PTPRQ: variants seen among roughly 807,000 people sequenced by gnomAD.
PTPRQ encodes the protein phosphatidylinositol phosphatase PTPRQ.
Under a neutral mutation model 246.0 loss-of-function variants are expected in PTPRQ, and 199 were observed. That is an observed-to-expected ratio of 0.81 (90% CI 0.72 to 0.91). The LOEUF is 0.91. Ranked by LOEUF, PTPRQ falls within the 40% of genes least tolerant of loss-of-function variation. PTPRQ has a pLI of 0.00. For missense variants in PTPRQ, 2,624 were observed against 2,528.4 expected (o/e 1.04, Z -0.81); for synonymous variants, 869 against 853.2 (o/e 1.02, Z -0.32).
intron 35 of PTPRQ, among the ~76,000 whole-genome samples, 163 bp downstream of exon 35, chr12:80,635,236 G>C (rs185099519): frequency 2.1e-3 from 313 of 152,306 alleles, no homozygotes; most frequent in African/African-American, 6.8e-3. Context: ...TCTCACTGCT[G>C]TTCAGAGAAT....
At chr12:80,520,379 C>G (rs1291714453) in intron 17 of PTPRQ, among the ~76,000 whole-genome samples, 1 of 152,050 alleles carries the variant, frequency 6.6e-6, no homozygotes, top group Non-Finnish European at 1.5e-5. Context: ...TAAAATTATA[C>G]TTTAAGTTTT....
Position 80,496,400 on chromosome 12 carries a change from C to A in PTPRQ, c.2141C>A (p.Thr714Lys), listed in dbSNP as rs1894623895. The change falls in exon 14 of 45, where the codon ACA becomes AAA. Residue 714 changes from threonine (T) to lysine (K), a missense_variant. Thr to Lys is a moderately conservative substitution (Grantham distance 78). Coordinates refer to ENST00000644991, the MANE Select transcript of PTPRQ (RefSeq NM_001145026.2). The part of the protein sequence containing the change: ...KNIDTLYMKN[T>K]STTDIILRNL... ...ATAGATACTTTATATATGAAGAACA[C>A]ATCAACAACAGACATAATATTAAGG... 1 of 1,550,544 alleles carries A rather than the reference C, an allele frequency of 6.4e-7. No individual in the cohort carries two copies. The highest frequency in any genetic ancestry group is 8.7e-7 in the Non-Finnish European group (1 of 1,146,370).
chr12:80,592,734 A>T (rs1291873619), intron 26 of PTPRQ, among the ~76,000 whole-genome samples: 1 of 152,094 alleles, frequency 6.6e-6, no homozygotes, highest in Non-Finnish European at 1.5e-5. Context: ...GGCATGAGTC[A>T]TGTGGTGGCT....
At chr12:80,523,339 A>C (rs1276319379) in intron 17 of PTPRQ, among the ~76,000 whole-genome samples, 1 of 151,984 alleles carries the variant, frequency 6.6e-6, no homozygotes. Flanking sequence ...GATTTTTTTG[A>C]AGGGTTTTTT....
intron 33 of PTPRQ, among the ~76,000 whole-genome samples, chr12:80,626,625 C>G (rs1199583190): frequency 1.4e-4 from 22 of 152,180 alleles, no homozygotes; most frequent in South Asian, 2.1e-4. Flanking sequence ...TTAACCATCC[C>G]AAAGGTGGTG....
chr12:80,617,034 C>CA (rs1898790096), intron 30 of PTPRQ, among the ~76,000 whole-genome samples: 1 of 151,150 alleles, frequency 6.6e-6, no homozygotes, highest in East Asian at 2.0e-4. Context: ...CTTTCTAAAG[C>CA]AAAAAGTAAC....
At chr12:80,672,216 G>T (rs1488581803) in intron 42 of PTPRQ, among the ~76,000 whole-genome samples, 5 of 151,692 alleles carry the variant, frequency 3.3e-5, no homozygotes, top group Non-Finnish European at 5.9e-5. Context: ...CTCTGTAAGT[G>T]CAGGGACTTT....
In PTPRQ at chr12:80,484,549, C is replaced by G; in HGVS notation, c.1303C>G (p.Leu435Val). The part of the protein sequence containing the change: ...GIINQYRVKV[L>V]VPETGIILEN... Reference sequence around the variant, plus strand: ...TATTAACCAATACCGAGTGAAAGTGCTAGTTCCAGAGACAGGAATAATTTT... The same window carrying G: ...TATTAACCAATACCGAGTGAAAGTGGTAGTTCCAGAGACAGGAATAATTTT... Residue 435 changes from leucine (L) to valine (V), a missense_variant, in exon 9 of 45, where the codon CTA (leucine) becomes GTA (valine). Transcript: ENST00000644991. 1 of 1,550,886 alleles carries G rather than the reference C, an allele frequency of 6.4e-7. No individual in the cohort carries two copies. The highest frequency in any genetic ancestry group is 8.7e-7 in the Non-Finnish European group (1 of 1,146,746).
At chr12:80,671,291 C>A (rs915585352) in intron 42 of PTPRQ, among the ~76,000 whole-genome samples, 1 of 151,904 alleles carries the variant, frequency 6.6e-6, no homozygotes, top group Non-Finnish European at 1.5e-5. Flanking sequence ...AATTTTAAAT[C>A]CCTCCATATA....
Position 80,496,011 on chromosome 12 carries a change from A to G in PTPRQ, c.1895A>G (p.Tyr632Cys). ...CTTGTCCTTATAGGGTTAAAGAAAT[A>G]CACAAAATACAAAATGAGAGTGGCA... ...NSFLITGLKK[Y>C]TKYKMRVAAS... The change falls in exon 13 of 45, where the codon TAC becomes TGC. Residue 632 changes from tyrosine to cysteine, a missense_variant. Coordinates refer to ENST00000644991, the MANE Select transcript of PTPRQ (RefSeq NM_001145026.2). The G allele has an allele frequency of 1.9e-6, 3 of 1,549,748 alleles. No homozygotes were observed. Among genetic ancestry groups the G allele is most frequent in the Non-Finnish European group, 2.6e-6 (3 of 1,146,020 alleles).
At chr12:80,576,877 G>A (rs1322863150) in intron 25 of PTPRQ, among the ~76,000 whole-genome samples, 1 of 152,128 alleles carries the variant, frequency 6.6e-6, no homozygotes, top group Non-Finnish European at 1.5e-5. Context: ...AACAAGATAT[G>A]AAGCTAACAT....
At chr12:80,513,249 A>AG (rs1171008194) in intron 17 of PTPRQ, among the ~76,000 whole-genome samples, 2 of 151,902 alleles carry the variant, frequency 1.3e-5, no homozygotes, top group African/African-American at 4.8e-5. Context: ...CTCTCAGCAG[A>AG]GGGGGGAGCC....
intron 35 of PTPRQ, among the ~76,000 whole-genome samples, chr12:80,647,751 G>A (rs1319364161): frequency 2.0e-5 from 3 of 152,060 alleles, no homozygotes; most frequent in Non-Finnish European, 2.9e-5. Context: ...GTATTGTGGG[G>A]CACTCTTAAG....
intron 35 of PTPRQ, among the ~76,000 whole-genome samples, chr12:80,641,699 T>C (rs951307739): frequency 1.3e-5 from 2 of 152,178 alleles, no homozygotes; most frequent in Non-Finnish European, 1.5e-5. Flanking sequence ...TTGATCACAT[T>C]ACACATAAAA....
intron 14 of PTPRQ, among the ~76,000 whole-genome samples, chr12:80,499,308 A>T (rs10778754): frequency 0.85 from 129,274 of 151,890 alleles, 55,875 homozygotes; most frequent in Non-Finnish European, 0.93. Flanking sequence ...AAGTTAGGGT[A>T]GTCTCAAGTT....
chr12:80,447,346 T>C (rs1006480923), intron 3 of PTPRQ, among the ~76,000 whole-genome samples: 1 of 152,084 alleles, frequency 6.6e-6, no homozygotes, highest in African/African-American at 2.4e-5. Flanking sequence ...CTCTGTAGGT[T>C]TTCTGTTTAC....
At chr12:80,585,954 A>G (rs1312392776) in intron 25 of PTPRQ, among the ~76,000 whole-genome samples, 4 of 141,244 alleles carry the variant, frequency 2.8e-5, no homozygotes, top group Admixed American at 7.5e-5. Context: ...TCATTGTTCA[A>G]TTCCCACCTA....
intron 35 of PTPRQ, among the ~76,000 whole-genome samples, chr12:80,641,940 C>G (rs945833937): frequency 6.7e-6 from 1 of 150,124 alleles, no homozygotes; most frequent in African/African-American, 2.5e-5. Context: ...TCTCTATTTT[C>G]TTTCTCTTCT....
chr12:80,479,108 G>A (rs1408107749), intron 8 of PTPRQ, among the ~76,000 whole-genome samples: 1 of 151,858 alleles, frequency 6.6e-6, no homozygotes, highest in Non-Finnish European at 1.5e-5. Context: ...AGGAAAAAAT[G>A]TTAAGGGCAG....
Sources: allele counts gnomAD v4.1 joint callset (sites outside exome capture counted in the v4.1 genomes callset), GRCh38; gene constraint gnomAD v4.1.1; transcripts MANE v1.5; gene names NCBI Gene and HGNC (gene_info 2026-07-23, HGNC 2026-07-21).